The following HDAC8 variants were observed in gnomAD, a reference collection of about 807,000 sequenced individuals.
HDAC8 encodes histone deacetylase 8, also known as histone deacetylase-like 1.
Under a neutral mutation model 32.2 loss-of-function variants are expected in HDAC8, and 1 was observed. The observed-to-expected ratio is 0.03, with a 90% CI of 0.01 to 0.15. The LOEUF is 0.15. HDAC8 is among the 10% of genes least tolerant of loss of function. HDAC8 has a pLI of 1.00. For synonymous variants in HDAC8, 108 were observed against 113.9 expected, an observed-to-expected ratio of 0.95 and a Z score of 0.33; for missense variants, 117 against 300.0, an observed-to-expected ratio of 0.39 and a Z score of 4.51.
intron 4 of HDAC8, among the ~76,000 whole-genome samples, chrX:72,520,484 T>A (rs1324277492): frequency 1.8e-5 from 2 of 112,150 alleles, no homozygotes; most frequent in Non-Finnish European, 3.8e-5. Context: ...GATTCACCAA[T>A]TGTCATAATT....
At chrX:72,379,490 GTTT>G (rs1191306787) in intron 9 of HDAC8, among the ~76,000 whole-genome samples, 1 of 38,895 alleles carries the variant, frequency 2.6e-5, no homozygotes, top group Non-Finnish European at 4.4e-5. Context: ...TTTGTTTAGT[GTTT>G]TTTTTTTTTT....
chrX:72,520,888 T>C (rs1343770074), intron 4 of HDAC8, among the ~76,000 whole-genome samples: 1 of 112,403 alleles, frequency 8.9e-6, no homozygotes, highest in Non-Finnish European at 1.9e-5. Context: ...TAGGTTCATC[T>C]AATTGTTTCT....
chrX:72,370,849 C>T (rs782734862), intron 9 of HDAC8, among the ~76,000 whole-genome samples: 2 of 111,828 alleles, frequency 1.8e-5, no homozygotes, highest in South Asian at 7.6e-4. Flanking sequence ...CATTTTTCTG[C>T]CTGCTTATAT....
intron 7 of HDAC8, among the ~76,000 whole-genome samples, chrX:72,488,333 A>G (rs1404601633): frequency 9.0e-6 from 1 of 110,843 alleles, no homozygotes. Context: ...TATGAATATG[A>G]GTTTAACACA....
At chrX:72,571,173 C>T (rs2052029982) in intron 2 of HDAC8, among the ~76,000 whole-genome samples, 1 of 111,762 alleles carries the variant, frequency 8.9e-6, no homozygotes, top group East Asian at 2.8e-4. Context: ...ATCCGCCTGC[C>T]TCAGCCTCCC....
chrX:72,389,204 G>A (rs190844033), intron 9 of HDAC8, among the ~76,000 whole-genome samples: 58 of 111,610 alleles, frequency 5.2e-4, no homozygotes, highest in Non-Finnish European at 9.8e-4. Context: ...CTTATGAAAG[G>A]AATGGACACA....
chrX:72,523,445 T>C (rs782525201), intron 4 of HDAC8, among the ~76,000 whole-genome samples: 6 of 112,012 alleles, frequency 5.4e-5, no homozygotes, highest in African/African-American at 1.9e-4. Flanking sequence ...TAGAAGACCT[T>C]TGCCTCTCAC....
chrX:72,403,779 A>G (rs917826778), intron 9 of HDAC8, among the ~76,000 whole-genome samples: 2 of 111,438 alleles, frequency 1.8e-5, no homozygotes, highest in African/African-American at 6.5e-5. Flanking sequence ...GTGAGCTGAG[A>G]TTGTGCCACT....
chrX:72,520,074 T>A (rs2049935906), intron 4 of HDAC8, among the ~76,000 whole-genome samples: 1 of 112,377 alleles, frequency 8.9e-6, no homozygotes, highest in Non-Finnish European at 1.9e-5. Context: ...TCAAAGATTG[T>A]CTTTTGAAGG....
intron 9 of HDAC8, among the ~76,000 whole-genome samples, chrX:72,357,027 G>C (rs1555951020): frequency 9.0e-6 from 1 of 110,997 alleles, no homozygotes; most frequent in Non-Finnish European, 1.9e-5. Flanking sequence ...CTGTAGCCCT[G>C]TGGAATGGTA....
intron 4 of HDAC8, among the ~76,000 whole-genome samples, chrX:72,557,422 C>G (rs782521196): frequency 9.0e-6 from 1 of 111,220 alleles, no homozygotes; most frequent in African/African-American, 3.3e-5. Context: ...CAAAAGGCAC[C>G]CTCAAAACCA....
intron 7 of HDAC8, among the ~76,000 whole-genome samples, chrX:72,479,237 A>C (rs963261412): frequency 2.7e-5 from 3 of 111,974 alleles, no homozygotes; most frequent in Admixed American, 9.5e-5. Flanking sequence ...TCTAGGCTAC[A>C]CTGAAGGGAC....
At chrX:72,433,042 C>T (rs1344593240) in intron 9 of HDAC8, among the ~76,000 whole-genome samples, 2 of 111,848 alleles carry the variant, frequency 1.8e-5, no homozygotes, top group African/African-American at 6.5e-5. Flanking sequence ...TTGTAGGAGA[C>T]TTTAATCAAG....
At chrX:72,548,975 A>G (rs782302264) in intron 4 of HDAC8, among the ~76,000 whole-genome samples, 1 of 111,993 alleles carries the variant, frequency 8.9e-6, no homozygotes, top group South Asian at 3.8e-4. Flanking sequence ...ACATTTTAAT[A>G]CTGCAGATAT....
At chrX:72,390,206 T>G (rs1555963298) in intron 9 of HDAC8, among the ~76,000 whole-genome samples, 1 of 111,614 alleles carries the variant, frequency 9.0e-6, no homozygotes, top group African/African-American at 3.3e-5. Context: ...TCAGTTGTTC[T>G]AAAATGTACA....
chrX:72,537,955 AG>A (rs2050582336), intron 4 of HDAC8, among the ~76,000 whole-genome samples: 2 of 111,891 alleles, frequency 1.8e-5, no homozygotes, highest in African/African-American at 3.2e-5. Flanking sequence ...AAGTGAATGC[AG>A]CTTACTAGCA....
intron 9 of HDAC8, among the ~76,000 whole-genome samples, chrX:72,354,702 G>C (rs1555950033): frequency 9.0e-6 from 1 of 111,364 alleles, no homozygotes; most frequent in Admixed American, 9.5e-5. Context: ...ATAGCTTTTG[G>C]GGGTACAAGT....
chrX:72,479,655 A>G (rs2048438691), intron 7 of HDAC8, among the ~76,000 whole-genome samples: 1 of 112,201 alleles, frequency 8.9e-6, no homozygotes, highest in Non-Finnish European at 1.9e-5. Context: ...CAATATACCT[A>G]TGAAGACTTG....
intron 7 of HDAC8, among the ~76,000 whole-genome samples, chrX:72,487,405 A>G (rs1381992960): frequency 9.0e-6 from 1 of 111,672 alleles, no homozygotes; most frequent in Admixed American, 9.5e-5. Flanking sequence ...GGGGGTGGGC[A>G]CTGGAAAATC....
Sources: allele counts gnomAD v4.1 joint callset (sites outside exome capture counted in the v4.1 genomes callset), GRCh38; gene constraint gnomAD v4.1.1; transcripts MANE v1.5; gene names NCBI Gene and HGNC (gene_info 2026-07-23, HGNC 2026-07-21).